PLCD1: variants seen among roughly 807,000 people sequenced by gnomAD.
PLCD1 encodes phospholipase C delta 1.
A neutral mutation model predicts 87.4 loss-of-function variants in PLCD1; 71 were observed. The ratio of observed to expected loss-of-function variants is 0.81; its 90% CI spans 0.67 to 0.99. The LOEUF (loss-of-function observed/expected upper bound fraction) is 0.99, where lower values mean the gene tolerates loss of function less well. PLCD1 is among the 50% of genes least tolerant of loss of function. The probability of loss-of-function intolerance (pLI) is 0.00; values close to 1 mark genes in which losing one functional copy is unlikely to be tolerated. For synonymous variants in PLCD1, 348 were observed against 399.2 expected (o/e 0.87, Z 1.53); for missense variants, 867 against 1,001.5 (o/e 0.87, Z 1.81).
chr3:38,028,772 C>T (rs1218276689), intron 1 of PLCD1, among the ~76,000 whole-genome samples: 1 of 152,200 alleles, frequency 6.6e-6, no homozygotes, highest in African/African-American at 2.4e-5. Flanking sequence ...GATCTGCCTT[C>T]GGGAGCCCAG....
At chr3:38,019,632 G>A (rs1700204557) in intron 2 of PLCD1, among the ~76,000 whole-genome samples, 1 of 152,094 alleles carries the variant, frequency 6.6e-6, no homozygotes, top group Non-Finnish European at 1.5e-5. Context: ...GGGTTCCTTG[G>A]TCTTTTTAGA....
chr3:38,024,876 A>C (rs1028052078), intron 1 of PLCD1: 3 of 423,596 alleles, frequency 7.1e-6, no homozygotes, highest in Non-Finnish European at 1.2e-5. Flanking sequence ...ATGGGGCGAG[A>C]GTGGTGTCGA....
intron 11 of PLCD1, 38 bp downstream of exon 11, chr3:38,009,004 C>G (rs369532339): frequency 3.2e-6 from 5 of 1,548,876 alleles, no homozygotes; most frequent in Non-Finnish European, 3.6e-6. Flanking sequence ...GGACTGAAAC[C>G]CTCCTCCAGG....
chr3:38,011,529 C>T lies in PLCD1; in HGVS notation c.558+15G>A. ...CCCATGGACAGGCAGCCCCAGCCCC[C>T]ACTTCCTGCCTCACCCTGAAGATCT... On this transcript the variant is annotated intron_variant, in intron 4 of 14. Transcript: ENST00000334661. 6.2e-7 allele frequency: 1 copy of T among 1,614,126 alleles called. No homozygotes were observed. The highest frequency in any genetic ancestry group is 1.1e-5 in the South Asian group (1 of 91,052).
chr3:38,014,724 A>G (rs936805549), intron 3 of PLCD1: 1 of 153,284 alleles, frequency 6.5e-6, no homozygotes, highest in African/African-American at 2.4e-5. Context: ...ATTATTTGCA[A>G]GCATAAATCT....
At chr3:38,026,059 A>G (rs189641906) in intron 1 of PLCD1, among the ~76,000 whole-genome samples, 2 of 152,356 alleles carry the variant, frequency 1.3e-5, no homozygotes, top group African/African-American at 2.4e-5. Context: ...CGGAAAAGCT[A>G]TTCTTTGGAG....
At chr3:38,024,926 G>T in intron 1 of PLCD1, 1 of 251,168 alleles carries the variant, frequency 4.0e-6, no homozygotes, top group Non-Finnish European at 7.9e-6. Context: ...AACCCAGGAG[G>T]CGGGGCCGAG....
chr3:38,028,176 C>T (rs1034258521), intron 1 of PLCD1, among the ~76,000 whole-genome samples: 1 of 152,230 alleles, frequency 6.6e-6, no homozygotes, highest in African/African-American at 2.4e-5. Context: ...GAGATGTCCA[C>T]TGTGTCCTCT....
At position 38,016,475 on chromosome 3, in the gene PLCD1, G is replaced by A. The variant is rs1700155968; in HGVS notation, c.428+16C>T. On this transcript the variant is annotated intron_variant, in intron 3 of 14. Transcript: ENST00000334661. ...TCCACAAGCCAGGCCTGGACCCACT[G>A]CCACCAAAAGGATACTGCTGTAGCT... 6.4e-7 allele frequency: 1 copy of A among 1,573,816 alleles called. No individual in the cohort carries two copies. The highest frequency in any genetic ancestry group is 8.7e-7 in the Non-Finnish European group (1 of 1,145,006).
At chr3:38,022,982 TCTC>T (rs374180945) in intron 1 of PLCD1, among the ~76,000 whole-genome samples, 170 of 152,190 alleles carry the variant, frequency 1.1e-3, no homozygotes, top group African/African-American at 3.5e-3. Flanking sequence ...TCTAAGAGCT[TCTC>T]CTCCTGTGGG....
intron 1 of PLCD1, chr3:38,024,413 C>A (rs1700278548): frequency 1.2e-6 from 2 of 1,612,364 alleles, no homozygotes; most frequent in South Asian, 1.1e-5. Context: ...GGCTCCGGCT[C>A]CGGATCCCCA....
rs146068572 is a variant in PLCD1 at position 38,007,890 on chromosome 3, A to G, written c.2186-32T>C. The stretch of plus-strand genomic sequence containing the variant: ...GGTGGACAGGCAGGAGGGAACACAG[A>G]GAGAGTTCTGGTCATTCGGCGGCGG... On this transcript the variant is annotated intron_variant, in intron 14 of 14. Coordinates refer to ENST00000334661, the MANE Select transcript of PLCD1 (RefSeq NM_006225.4). 656 of 1,610,010 alleles carry G rather than the reference A, an allele frequency of 4.1e-4. 4 individuals carry two copies. The African/African-American group carries it at 5.8e-3, about 14-fold the overall frequency.
At chr3:38,020,124 T>A (rs1575355026) in intron 2 of PLCD1, 64 bp downstream of exon 2, 1 of 1,443,654 alleles carries the variant, frequency 6.9e-7, no homozygotes, top group Non-Finnish European at 9.7e-7. Flanking sequence ...CTGACCTTTG[T>A]ATTTACCCAG....
intron 14 of PLCD1, 45 bp downstream of exon 14, chr3:38,007,969 C>T: frequency 6.2e-7 from 1 of 1,613,326 alleles, no homozygotes; most frequent in Non-Finnish European, 8.5e-7. Context: ...AGACGCCAGG[C>T]CCTGCTTCCC....
rs893359041 is a variant in PLCD1, at chr3:38,017,265, T to A, written c.200-546A>T. On this transcript the variant is annotated intron_variant, in intron 2 of 14. Transcript: ENST00000334661. The surrounding 1 kb of genome is among the most constrained non-coding windows in gnomAD (Gnocchi z 4.7). The stretch of plus-strand genomic sequence containing the variant: ...AACATTCAAGAGACTGGAACCACCC[T>A]CAGTTAGCCCCAGCCCTGGGGTCTA... Among the ~76,000 whole-genome samples, 1 of 151,818 alleles carries A rather than the reference T, an allele frequency of 6.6e-6. No individual in the cohort carries two copies. The highest frequency in any genetic ancestry group is 1.5e-5 in the Non-Finnish European group (1 of 67,906).
In PLCD1 at chr3:38,009,331, G is replaced by T; in HGVS notation, c.1547C>A (p.Ala516Asp). 1 of 1,614,100 alleles carries T rather than the reference G, an allele frequency of 6.2e-7. No homozygotes were observed. Among genetic ancestry groups the T allele is most frequent in the Non-Finnish European group, 8.5e-7 (1 of 1,179,924 alleles). ...GFSSPGTPGQ[A>D]FYEMASFSEN... is the part of the protein sequence containing the mutation. Reference sequence around the variant, plus strand: ...AGAGAAGGACGCCATCTCGTAGAAGGCCTGTCCAGGGGTGCCAGGACTGGA... The same window carrying T: ...AGAGAAGGACGCCATCTCGTAGAAGTCCTGTCCAGGGGTGCCAGGACTGGA... The change falls in exon 10 of 15, where the codon GCC (alanine) becomes GAC (aspartate). Residue 516 changes from alanine (A) to aspartate (D), a missense_variant. Transcript: ENST00000334661.
intron 3 of PLCD1, among the ~76,000 whole-genome samples, chr3:38,015,847 GAAAACATGATT>G (rs1199719163): frequency 3.3e-5 from 5 of 152,292 alleles, no homozygotes; most frequent in Non-Finnish European, 2.9e-5. Flanking sequence ...GGTAACTCTA[GAAAACATGATT>G]AAAACATCCA....
chr3:38,010,471 G>C lies in PLCD1; in HGVS notation c.882C>G (p.Val294=). The change falls in exon 6 of 15, where the codon GTC becomes GTG. Residue 294 remains valine (V), a synonymous_variant. Transcript: ENST00000334661. ...GSAFSLAHRR[V]YQDMGQPLSH... Reference sequence around the variant, plus strand: ...TAAGTGGCTGGCCCATGTCCTGGTAGACACGGCGGTGTGCCAGGCTGAAGG... The same window carrying C: ...TAAGTGGCTGGCCCATGTCCTGGTACACACGGCGGTGTGCCAGGCTGAAGG... The C allele has an allele frequency of 6.2e-7, 1 of 1,614,144 alleles. No individual in the cohort carries two copies. Among genetic ancestry groups the C allele is most frequent in the South Asian group, 1.1e-5 (1 of 91,084 alleles).
At chr3:38,020,822 C>A (rs1348812910) in intron 1 of PLCD1, among the ~76,000 whole-genome samples, 2 of 152,162 alleles carry the variant, frequency 1.3e-5, no homozygotes, top group East Asian at 3.9e-4. Flanking sequence ...AAAAGGGGGA[C>A]AGACACAGAT....
Sources: allele counts gnomAD v4.1 joint callset (sites outside exome capture counted in the v4.1 genomes callset), GRCh38; gene constraint gnomAD v4.1.1; non-coding constraint Gnocchi (gnomAD v3.1); transcripts MANE v1.5; gene names NCBI Gene and HGNC (gene_info 2026-07-23, HGNC 2026-07-21).